Variants in AUTS2 observed in about 807,000 individuals in gnomAD.
The protein encoded by AUTS2 is autism susceptibility gene 2 protein.
Under a neutral mutation model 112.4 loss-of-function variants are expected in AUTS2, and 17 were observed. The ratio of observed to expected loss-of-function variants is 0.15; its 90% CI spans 0.10 to 0.23. The LOEUF (loss-of-function observed/expected upper bound fraction) is 0.23. Among genes scored for constraint, AUTS2 ranks in the 10% least tolerant of loss-of-function variants. The pLI, the probability that AUTS2 is intolerant of heterozygous loss-of-function variation, is 1.00. For missense variants in AUTS2, 1,510 were observed against 1,701.6 expected (o/e 0.89, Z 1.98); for synonymous variants, 751 against 702.7 (o/e 1.07, Z -1.09).
At chr7:69,665,292 A>G (rs1795985103) in intron 1 of AUTS2, among the ~76,000 whole-genome samples, 1 of 152,210 alleles carries the variant, frequency 6.6e-6, no homozygotes, top group African/African-American at 2.4e-5. Flanking sequence ...ATGGTATTTG[A>G]ACCCCATAGA....
chr7:70,745,443 C>A (rs112149305), intron 6 of AUTS2, among the ~76,000 whole-genome samples: 1,713 of 152,290 alleles, frequency 0.011, 25 homozygotes, highest in African/African-American at 0.039. Context: ...AGCCAGTGTT[C>A]TGTTGAAAAT....
At chr7:69,731,730 G>A (rs1054070515) in intron 1 of AUTS2, among the ~76,000 whole-genome samples, 2 of 152,138 alleles carry the variant, frequency 1.3e-5, no homozygotes, top group African/African-American at 4.8e-5. Context: ...CATTTGTCAC[G>A]TATCTTCATG....
intron 4 of AUTS2, among the ~76,000 whole-genome samples, chr7:70,150,272 A>C (rs1010889559): frequency 1.3e-5 from 2 of 152,164 alleles, no homozygotes; most frequent in African/African-American, 4.8e-5. Flanking sequence ...AGTCTTAGAG[A>C]CTTTATAATC....
chr7:70,508,420 A>G (rs1445962611), intron 5 of AUTS2, among the ~76,000 whole-genome samples: 1 of 152,214 alleles, frequency 6.6e-6, no homozygotes, highest in African/African-American at 2.4e-5. Flanking sequence ...GATGTTTATT[A>G]ACAGGCATCT....
At chr7:70,708,252 C>T (rs559571966) in intron 6 of AUTS2, among the ~76,000 whole-genome samples, 12 of 152,148 alleles carry the variant, frequency 7.9e-5, no homozygotes, top group African/African-American at 2.7e-4. Flanking sequence ...CTCCTCTCCC[C>T]GAAAACCCAG....
intron 5 of AUTS2, among the ~76,000 whole-genome samples, chr7:70,545,936 G>C (rs961285487): frequency 9.2e-5 from 14 of 152,162 alleles, no homozygotes; most frequent in African/African-American, 3.4e-4. Flanking sequence ...GGAAATGGTT[G>C]CACAGGAGTT....
At chr7:70,353,972 G>T (rs182048053) in intron 4 of AUTS2, among the ~76,000 whole-genome samples, 3 of 152,164 alleles carry the variant, frequency 2.0e-5, no homozygotes, top group Admixed American at 1.3e-4. Context: ...TTTTAATGCC[G>T]TTCCTTGGTG....
At chr7:70,002,698 G>A (rs1362914050) in intron 2 of AUTS2, among the ~76,000 whole-genome samples, 1 of 152,128 alleles carries the variant, frequency 6.6e-6, no homozygotes, top group Admixed American at 6.6e-5. Context: ...TGGCAATAAA[G>A]CTAATGGTAT....
intron 1 of AUTS2, among the ~76,000 whole-genome samples, chr7:69,875,864 TA>T (rs1475438645): frequency 6.6e-6 from 1 of 152,126 alleles, no homozygotes; most frequent in African/African-American, 2.4e-5. Flanking sequence ...TTATTATTCT[TA>T]ATATTCTTAT....
intron 1 of AUTS2, among the ~76,000 whole-genome samples, chr7:69,889,191 G>A (rs960329954): frequency 6.6e-6 from 1 of 152,118 alleles, no homozygotes; most frequent in South Asian, 2.1e-4. Context: ...TGCACTACCA[G>A]GTCCAGTTCT....
At chr7:69,696,546 C>T (rs1034018004) in intron 1 of AUTS2, among the ~76,000 whole-genome samples, 2 of 152,210 alleles carry the variant, frequency 1.3e-5, no homozygotes, top group East Asian at 1.9e-4. Flanking sequence ...CCTCTTATCT[C>T]GATCTGCTCT....
Position 70,105,001 on chromosome 7 carries a change from A to C in AUTS2, c.523-13131A>C, listed in dbSNP as rs201816377. Among the ~76,000 whole-genome samples, 10 of 152,332 alleles carry C rather than the reference A, an allele frequency of 6.6e-5. No homozygotes were observed. The East Asian group carries it at 1.9e-3, about 29-fold the overall frequency. Reference sequence around the variant, plus strand: ...AAACAGAATTTAGACATTTAGAGGAATGAAGGACAGCTTACGTTTTTAACT... The same window carrying C: ...AAACAGAATTTAGACATTTAGAGGACTGAAGGACAGCTTACGTTTTTAACT... On this transcript the variant is annotated intron_variant, in intron 2 of 18. Coordinates refer to ENST00000342771, the MANE Select transcript of AUTS2 (RefSeq NM_015570.4).
intron 6 of AUTS2, among the ~76,000 whole-genome samples, chr7:70,707,252 T>A (rs1809789010): frequency 6.6e-6 from 1 of 152,242 alleles, no homozygotes; most frequent in African/African-American, 2.4e-5. Context: ...TGAAGTTAGA[T>A]ATGAATAGCT....
chr7:70,275,263 A>G (rs796341739), intron 4 of AUTS2, among the ~76,000 whole-genome samples: 2 of 152,344 alleles, frequency 1.3e-5, no homozygotes, highest in African/African-American at 4.8e-5. Context: ...GAATGAATCA[A>G]TGTAATTTGA....
intron 4 of AUTS2, among the ~76,000 whole-genome samples, chr7:70,432,042 T>C (rs1181009252): frequency 6.6e-6 from 1 of 152,216 alleles, no homozygotes; most frequent in Admixed American, 6.5e-5. Flanking sequence ...TCTTTTTGTC[T>C]CTTTTCATTT....
At chr7:70,641,381 C>G (rs1286925721) in intron 5 of AUTS2, among the ~76,000 whole-genome samples, 2 of 151,940 alleles carry the variant, frequency 1.3e-5, no homozygotes, top group South Asian at 2.1e-4. Context: ...AACCCCATCT[C>G]TACTAAAAAT....
intron 2 of AUTS2, among the ~76,000 whole-genome samples, chr7:70,055,572 A>C (rs1419047397): frequency 4.6e-5 from 7 of 152,262 alleles, no homozygotes; most frequent in African/African-American, 1.7e-4. Flanking sequence ...TGTTACCAAC[A>C]TGCTGTGGAC....
intron 1 of AUTS2, among the ~76,000 whole-genome samples, chr7:69,847,027 C>T (rs1002140642): frequency 1.1e-4 from 16 of 152,186 alleles, no homozygotes; most frequent in Non-Finnish European, 2.9e-5. Context: ...AGCCCAGGCT[C>T]TTAACCTTGA....
intron 1 of AUTS2, among the ~76,000 whole-genome samples, chr7:69,693,544 A>C (rs1797433092): frequency 6.6e-6 from 1 of 152,230 alleles, no homozygotes; most frequent in Non-Finnish European, 1.5e-5. Context: ...TGTTTCAAGG[A>C]CTGGAACCTT....
Sources: gnomAD v4.1 joint callset for allele counts (sites outside exome capture counted in the v4.1 genomes callset) on GRCh38, gnomAD v4.1.1 for gene constraint, MANE v1.5 for transcripts, NCBI Gene and HGNC (gene_info 2026-07-23, HGNC 2026-07-21) for gene names.